Variants in GRAMD1B observed in about 807,000 individuals in gnomAD.
The protein encoded by GRAMD1B is protein Aster-B.
GRAMD1B carries 37 observed loss-of-function variants against 99.7 expected under a neutral mutation model. The observed-to-expected ratio is 0.37, with a 90% CI of 0.29 to 0.49. The LOEUF is 0.49. Ranked by LOEUF, GRAMD1B falls within the 20% of genes least tolerant of loss-of-function variation. The probability of loss-of-function intolerance (pLI) is 0.98; values close to 1 mark genes in which losing one functional copy is unlikely to be tolerated. For missense variants in GRAMD1B, 888 were observed against 1,009.2 expected (o/e 0.88, Z 1.63); for synonymous variants, 427 against 387.6 (o/e 1.10, Z -1.19).
At chr11:123,432,103 T>TG in intron 1 of GRAMD1B, 1 of 398,674 alleles carries the variant, frequency 2.5e-6, no homozygotes, top group Non-Finnish European at 4.4e-6. Flanking sequence ...TCCAAATCTG[T>TG]TCAATTACAT....
chr11:123,580,151 A>T (rs1949188082), intron 3 of GRAMD1B, among the ~76,000 whole-genome samples: 1 of 152,192 alleles, frequency 6.6e-6, no homozygotes, highest in Non-Finnish European at 1.5e-5. Context: ...CAGGAGGGAC[A>T]CTGTAGCATC....
intron 2 of GRAMD1B, among the ~76,000 whole-genome samples, chr11:123,533,258 AC>A (rs1943601429): frequency 1.3e-5 from 2 of 152,268 alleles, no homozygotes; most frequent in South Asian, 4.1e-4. Context: ...GGCGTGAGCC[AC>A]CGCGCCTGGC....
chr11:123,401,462 C>T (rs1947659588), intron 1 of GRAMD1B, among the ~76,000 whole-genome samples: 1 of 152,262 alleles, frequency 6.6e-6, no homozygotes, highest in Admixed American at 6.5e-5. Flanking sequence ...CTGGACCCTA[C>T]TGCCTCCCAC....
intron 2 of GRAMD1B, among the ~76,000 whole-genome samples, chr11:123,540,673 C>T (rs577690496): frequency 1.1e-4 from 16 of 151,768 alleles, no homozygotes; most frequent in Admixed American, 5.2e-4. Flanking sequence ...CAAAAGAAAA[C>T]GAAATTGGTC....
chr11:123,390,574 G>A lies in GRAMD1B; in HGVS notation c.-176+31775G>A, dbSNP rs188308726. Reference sequence around the variant, plus strand: ...GCATTTTTTTACATGGGTCAAATCCGTGTGTAATTTCTATTTATAGAATTT... The same window carrying A: ...GCATTTTTTTACATGGGTCAAATCCATGTGTAATTTCTATTTATAGAATTT... On this transcript the variant is annotated intron_variant, in intron 1 of 20. Transcript: ENST00000638157. Among the ~76,000 whole-genome samples the A allele has an allele frequency of 1.9e-4, 29 of 152,270 alleles. 1 individual carries two copies. In the South Asian group the frequency reaches 3.1e-3, roughly 16 times the overall value.
Position 123,626,892 on chromosome 11 carries a change from A to T in GRAMD1B, c.*4297A>T, listed in dbSNP as rs1397386713. ...GCCCCTGCTTGCTGTCATAGTGCAG[A>T]GCAGAAACTTGCACACTATTTAGAG... On this transcript the variant is annotated 3_prime_UTR_variant, in exon 20 of 20. Coordinates refer to ENST00000635736, the MANE Select transcript of GRAMD1B (RefSeq NM_001387025.1). 1 of 152,272 alleles carries T rather than the reference A, an allele frequency of 6.6e-6. No homozygotes were observed. Among genetic ancestry groups the T allele is most frequent in the Non-Finnish European group, 1.5e-5 (1 of 68,122 alleles). 9.4% of individuals were successfully genotyped at this position (152,272 alleles called of 1,614,324 possible).
intron 19 of GRAMD1B, among the ~76,000 whole-genome samples, chr11:123,620,522 C>T (rs1409783165): frequency 1.4e-5 from 2 of 141,728 alleles, no homozygotes; most frequent in Non-Finnish European, 3.1e-5. Flanking sequence ...ATGCAGCTAT[C>T]AAGACCCAGT....
At chr11:123,533,501 A>G (rs565849057) in intron 2 of GRAMD1B, among the ~76,000 whole-genome samples, 2 of 152,138 alleles carry the variant, frequency 1.3e-5, no homozygotes, top group South Asian at 4.1e-4. Flanking sequence ...ATCTCAGCTC[A>G]CTGTAACCTC....
chr11:123,505,257 C>G (rs1313806043), intron 2 of GRAMD1B, among the ~76,000 whole-genome samples: 1 of 151,820 alleles, frequency 6.6e-6, no homozygotes, highest in Non-Finnish European at 1.5e-5. Context: ...GTCCTGAACT[C>G]CTGGCCTCAA....
intron 1 of GRAMD1B, among the ~76,000 whole-genome samples, chr11:123,382,505 A>G (rs1485116043): frequency 6.6e-6 from 1 of 152,158 alleles, no homozygotes; most frequent in African/African-American, 2.4e-5. Context: ...GAACTCTCTT[A>G]TATTGTGAAA....
intron 2 of GRAMD1B, among the ~76,000 whole-genome samples, chr11:123,563,189 G>A (rs1946971369): frequency 6.6e-6 from 1 of 152,204 alleles, no homozygotes; most frequent in African/African-American, 2.4e-5. Flanking sequence ...GCTCACAAGG[G>A]AGTAGGATAG....
At chr11:123,570,432 T>G (rs1384125457) in intron 2 of GRAMD1B, among the ~76,000 whole-genome samples, 1 of 149,234 alleles carries the variant, frequency 6.7e-6, no homozygotes, top group African/African-American at 2.5e-5. Context: ...TTTTTTTTTT[T>G]TTTTTTTTTG....
At chr11:123,540,240 GT>G (rs529661991) in intron 2 of GRAMD1B, among the ~76,000 whole-genome samples, 4,876 of 144,034 alleles carry the variant, frequency 0.034, 267 homozygotes, top group African/African-American at 0.12. Context: ...TTTTTTGGTT[GT>G]TTTTTTTTTT....
chr11:123,533,377 A>G lies in GRAMD1B; in HGVS notation c.453-43990A>G, dbSNP rs1466580146. On this transcript the variant is annotated intron_variant, in intron 2 of 19. Transcript: ENST00000635736. ...TAATGTGATGATAAGGATACTAATA[A>G]TATGTCTAACATTTAATTCACTCTA... 2.6e-5 allele frequency among the ~76,000 whole-genome samples: 4 copies of G among 152,060 alleles called. No homozygotes were observed. In the East Asian group the frequency reaches 7.7e-4, roughly 29 times the overall value.
rs1181731498 is a variant in GRAMD1B at position 123,602,164 on chromosome 11, C to A, written c.1051-1262C>A. Among the ~76,000 whole-genome samples, 3 of 152,156 alleles carry A rather than the reference C, an allele frequency of 2.0e-5. No individual in the cohort carries two copies. In the East Asian group the frequency reaches 5.8e-4, roughly 29 times the overall value. On this transcript the variant is annotated intron_variant, in intron 8 of 19. Transcript: ENST00000635736. ...AGAGAGCTGCGGCCCCCAACTCTGCCAGCCTAGAGTCAGGGCCCCAAATCT... is the reference window on the plus strand; with the variant it reads ...AGAGAGCTGCGGCCCCCAACTCTGCAAGCCTAGAGTCAGGGCCCCAAATCT...
intron 2 of GRAMD1B, among the ~76,000 whole-genome samples, chr11:123,557,977 CTTTT>C (rs532091098): frequency 2.1e-4 from 21 of 99,940 alleles, no homozygotes; most frequent in Admixed American, 5.4e-4. Context: ...TTCAGTGCAA[CTTTT>C]TTTTTTTTTT....
At chr11:123,435,522 G>A (rs1591527210) in intron 1 of GRAMD1B, 1 of 688,500 alleles carries the variant, frequency 1.5e-6, no homozygotes, top group Non-Finnish European at 2.6e-6. Flanking sequence ...TAGGAAGGAA[G>A]AAGTGGAACA....
At chr11:123,390,091 T>TTA (rs111962574) in intron 1 of GRAMD1B, among the ~76,000 whole-genome samples, 18 of 136,260 alleles carry the variant, frequency 1.3e-4, no homozygotes, top group African/African-American at 4.4e-4. Context: ...TCTTCTAAAA[T>TTA]AAAAAAAAAT....
intron 1 of GRAMD1B, among the ~76,000 whole-genome samples, chr11:123,468,597 C>G (rs1950823166): frequency 1.3e-5 from 2 of 151,928 alleles, no homozygotes; most frequent in South Asian, 4.2e-4. Flanking sequence ...AGTTCAAGAC[C>G]AGCCTGGGCA....
Sources: gnomAD v4.1 joint callset for allele counts (sites outside exome capture counted in the v4.1 genomes callset) on GRCh38, gnomAD v4.1.1 for gene constraint, MANE v1.5 for transcripts, NCBI Gene and HGNC (gene_info 2026-07-23, HGNC 2026-07-21) for gene names.